Variants in FSTL5 observed in about 807,000 individuals in gnomAD.
FSTL5 encodes the protein follistatin-related protein 5.
Under a neutral mutation model 89.1 loss-of-function variants are expected in FSTL5, and 62 were observed. The observed-to-expected ratio is 0.70, with a 90% confidence interval of 0.57 to 0.86. The LOEUF is 0.86. FSTL5 is among the 40% of genes least tolerant of loss of function. The probability of loss-of-function intolerance (pLI) is 0.00; values close to 1 mark genes in which losing one functional copy is unlikely to be tolerated. For missense variants in FSTL5, 1,057 were observed against 1,001.6 expected (o/e 1.06, Z -0.75); for synonymous variants, 383 against 346.2 (o/e 1.11, Z -1.18).
intron 2 of FSTL5, among the ~76,000 whole-genome samples, chr4:162,054,468 G>A (rs1738475107): frequency 6.6e-6 from 1 of 151,586 alleles, no homozygotes; most frequent in South Asian, 2.1e-4. Flanking sequence ...ATTGTATAAG[G>A]ACAGAGAAAA....
intron 4 of FSTL5, among the ~76,000 whole-genome samples, chr4:161,778,599 G>A (rs566672940): frequency 6.6e-6 from 1 of 152,232 alleles, no homozygotes; most frequent in East Asian, 1.9e-4. Context: ...TCAGCACTTT[G>A]GTTTTTAGCA....
intron 15 of FSTL5, among the ~76,000 whole-genome samples, chr4:161,422,048 G>A (rs1046278933): frequency 2.7e-5 from 4 of 150,822 alleles, no homozygotes; most frequent in Non-Finnish European, 5.9e-5. Context: ...TATTATATAC[G>A]GCATATATAT....
chr4:161,527,612 T>C (rs1267650391), intron 10 of FSTL5, among the ~76,000 whole-genome samples: 3 of 151,964 alleles, frequency 2.0e-5, no homozygotes, highest in Admixed American at 2.0e-4. Flanking sequence ...CTCACACCAG[T>C]TAGAATGGCA....
intron 7 of FSTL5, among the ~76,000 whole-genome samples, chr4:161,607,281 A>G (rs2126631453): frequency 6.6e-6 from 1 of 152,316 alleles, no homozygotes; most frequent in East Asian, 1.9e-4. Context: ...TATGAGGAAT[A>G]TATTGCTAAA....
intron 4 of FSTL5, among the ~76,000 whole-genome samples, chr4:161,806,929 T>C (rs1362800907): frequency 6.6e-6 from 1 of 152,004 alleles, no homozygotes; most frequent in Non-Finnish European, 1.5e-5. Context: ...GATAGATAGA[T>C]GAAAACCATA....
intron 7 of FSTL5, among the ~76,000 whole-genome samples, chr4:161,644,292 C>A (rs143795824): frequency 0.013 from 1,921 of 151,982 alleles, 43 homozygotes; most frequent in African/African-American, 0.044. Flanking sequence ...TTTGGGAGGC[C>A]AAGGAGGGCA....
chr4:161,712,581 T>C (rs1201198613), intron 6 of FSTL5, among the ~76,000 whole-genome samples: 2 of 152,152 alleles, frequency 1.3e-5, no homozygotes, highest in Admixed American at 6.6e-5. Context: ...AAATGTTGTT[T>C]TCAAATGATA....
chr4:162,019,394 G>C (rs1737005524), intron 3 of FSTL5, among the ~76,000 whole-genome samples: 1 of 151,880 alleles, frequency 6.6e-6, no homozygotes, highest in Admixed American at 6.6e-5. Context: ...ATTAACATTA[G>C]TCTATGCTAC....
At chr4:161,951,784 G>A (rs1430451042) in intron 3 of FSTL5, among the ~76,000 whole-genome samples, 1 of 151,914 alleles carries the variant, frequency 6.6e-6, no homozygotes, top group Non-Finnish European at 1.5e-5. Context: ...CTGCAAAATT[G>A]TTGAAATGTA....
chr4:161,409,340 C>T (rs950933464), intron 15 of FSTL5, among the ~76,000 whole-genome samples: 2 of 152,012 alleles, frequency 1.3e-5, no homozygotes, highest in Admixed American at 6.5e-5. Context: ...AGAAATAAAA[C>T]TTTTCCCTGA....
intron 4 of FSTL5, among the ~76,000 whole-genome samples, chr4:161,872,931 G>C (rs979344135): frequency 1.3e-5 from 2 of 152,042 alleles, no homozygotes; most frequent in Admixed American, 1.3e-4. Context: ...ATTGGAATGA[G>C]AGGGGAAAAA....
intron 3 of FSTL5, among the ~76,000 whole-genome samples, chr4:161,962,877 A>C (rs998762141): frequency 1.3e-5 from 2 of 152,046 alleles, no homozygotes; most frequent in Non-Finnish European, 2.9e-5. Flanking sequence ...CATTTTGTAG[A>C]TGAGGAAAAT....
At chr4:161,792,778 C>T (rs931833043) in intron 4 of FSTL5, among the ~76,000 whole-genome samples, 12 of 152,144 alleles carry the variant, frequency 7.9e-5, no homozygotes, top group African/African-American at 2.9e-4. Flanking sequence ...CTCCTCTCTG[C>T]CTTGCTTACC....
At chr4:161,720,713 A>C (rs1293860078) in intron 6 of FSTL5, among the ~76,000 whole-genome samples, 1 of 152,222 alleles carries the variant, frequency 6.6e-6, no homozygotes, top group Non-Finnish European at 1.5e-5. Flanking sequence ...ACCATTTGCC[A>C]CAAAATGGAT....
chr4:161,697,125 G>A (rs984724597), intron 6 of FSTL5, among the ~76,000 whole-genome samples: 6 of 152,188 alleles, frequency 3.9e-5, no homozygotes, highest in Admixed American at 2.0e-4. Flanking sequence ...ACAAAGTGCT[G>A]TTGCCCACCT....
chr4:161,550,612 T>G (rs956804914), intron 8 of FSTL5, among the ~76,000 whole-genome samples: 10 of 151,186 alleles, frequency 6.6e-5, no homozygotes, highest in African/African-American at 2.4e-4. Flanking sequence ...CTTTAAGTTT[T>G]AGGGTACATG....
chr4:162,077,065 G>A (rs1729879425), intron 2 of FSTL5, among the ~76,000 whole-genome samples: 1 of 151,714 alleles, frequency 6.6e-6, no homozygotes, highest in African/African-American at 2.4e-5. Context: ...GTTAAAAACT[G>A]GATACCTGTC....
intron 3 of FSTL5, among the ~76,000 whole-genome samples, chr4:162,011,289 GA>G (rs926962941): frequency 6.6e-6 from 1 of 152,060 alleles, no homozygotes; most frequent in Admixed American, 6.6e-5. Flanking sequence ...TTATATGCCA[GA>G]AGATATTACT....
rs181131259 is a variant in FSTL5 at position 161,445,194 on chromosome 4, G to A, written c.1841+9810C>T. On this transcript the variant is annotated intron_variant, in intron 15 of 15. Transcript: ENST00000306100. ...AATGAGTATTGTGCATAGGACAAAA[G>A]GAAAGTTAGAGATTATTACTGAAAC... Among the ~76,000 whole-genome samples the A allele has an allele frequency of 2.2e-3, 328 of 151,958 alleles. 1 individual carries two copies. The highest frequency in any genetic ancestry group is 5.3e-3 in the Admixed American group (81 of 15,228).
Sources: gnomAD v4.1 joint callset for allele counts (sites outside exome capture counted in the v4.1 genomes callset) on GRCh38, gnomAD v4.1.1 for gene constraint, MANE v1.5 for transcripts, NCBI Gene and HGNC (gene_info 2026-07-23, HGNC 2026-07-21) for gene names.